Variants in PARD6B observed in about 807,000 individuals in gnomAD.
PARD6B encodes partitioning defective 6 homolog beta.
In PARD6B, 4 loss-of-function variants were observed where a neutral mutation model predicts 10.5. The ratio of observed to expected loss-of-function variants is 0.38; its 90% CI spans 0.19 to 0.87. The LOEUF is 0.87. Ranked by LOEUF, PARD6B falls within the 40% of genes least tolerant of loss-of-function variation. The pLI, the probability that PARD6B is intolerant of heterozygous loss-of-function variation, is 0.41. For synonymous variants in PARD6B, 169 were observed against 170.4 expected (o/e 0.99, Z 0.07); for missense variants, 396 against 470.6 (o/e 0.84, Z 1.47).
chr20:50,750,918 C>A lies in PARD6B; in HGVS notation c.*430C>A. 2.1e-6 allele frequency: 2 copies of A among 949,528 alleles called. No individual in the cohort carries two copies. Among genetic ancestry groups the A allele is most frequent in the Non-Finnish European group, 2.5e-6 (2 of 804,448 alleles). The allele number at this position is 949,528 out of a possible 1,614,324, so 58.8% of individuals were successfully genotyped here. The stretch of plus-strand genomic sequence containing the variant: ...TCTTGTGGTACATTGGGGACCTCAG[C>A]TCTTAAAGGTCTCATGTTCCCAATA... On this transcript the variant is annotated 3_prime_UTR_variant, in exon 3 of 3. Transcript: ENST00000371610.
chr20:50,739,513 A>T (rs2087519076), intron 2 of PARD6B, among the ~76,000 whole-genome samples: 2 of 152,096 alleles, frequency 1.3e-5, no homozygotes, highest in South Asian at 4.1e-4. Flanking sequence ...ACTATTTCTA[A>T]TCAGTTGATA....
At chr20:50,742,510 C>T (rs1013660830) in intron 2 of PARD6B, among the ~76,000 whole-genome samples, 4 of 151,578 alleles carry the variant, frequency 2.6e-5, no homozygotes, top group Non-Finnish European at 5.9e-5. Flanking sequence ...GGACTACAAG[C>T]GTGTGCTACC....
At chr20:50,748,199 T>C (rs546919216) in intron 2 of PARD6B, among the ~76,000 whole-genome samples, 1 of 152,258 alleles carries the variant, frequency 6.6e-6, no homozygotes, top group South Asian at 2.1e-4. Flanking sequence ...AAAAATTATC[T>C]GGGCATAGTG....
Position 50,752,355 on chromosome 20 carries a change from C to T in PARD6B, c.*1867C>T, listed in dbSNP as rs1283470346. The T allele has an allele frequency of 2.0e-6, 2 of 985,532 alleles. No homozygotes were observed. The highest frequency in any genetic ancestry group is 2.4e-6 in the Non-Finnish European group (2 of 829,850). The allele number at this position is 985,532 out of a possible 1,614,324, so 61.0% of individuals were successfully genotyped here. ...CCAAAAAAAAAAAAAATTGGGTTTTCCTTCATGGGATTTCTAGAAACACTG... is the reference window on the plus strand; with the variant it reads ...CCAAAAAAAAAAAAAATTGGGTTTTTCTTCATGGGATTTCTAGAAACACTG... On this transcript the variant is annotated 3_prime_UTR_variant, in exon 3 of 3. Coordinates refer to ENST00000371610, the MANE Select transcript of PARD6B (RefSeq NM_032521.3).
chr20:50,738,105 G>GC (rs774484900), intron 2 of PARD6B, 26 bp downstream of exon 2: 2 of 1,509,864 alleles, frequency 1.3e-6, no homozygotes, highest in East Asian at 4.7e-5. Context: ...TAGAAAAATT[G>GC]TGTTAGAAAT....
At position 50,753,250 on chromosome 20, in the gene PARD6B, C is replaced by G. The variant is rs1354180079; in HGVS notation, c.*2762C>G. ...TAATTATCCTGTTAAGGGTATCTAT[C>G]AATGGTATTTTCAAGTAGATCTCTG... On this transcript the variant is annotated 3_prime_UTR_variant, in exon 3 of 3. Transcript: ENST00000371610. 4.1e-6 allele frequency: 4 copies of G among 984,532 alleles called. No individual in the cohort carries two copies. The highest frequency in any genetic ancestry group is 4.8e-6 in the Non-Finnish European group (4 of 828,874). The allele number at this position is 984,532 out of a possible 1,614,324, so 61.0% of individuals were successfully genotyped here.
chr20:50,733,638 C>G (rs897353151), intron 1 of PARD6B, among the ~76,000 whole-genome samples: 9 of 152,104 alleles, frequency 5.9e-5, no homozygotes, highest in African/African-American at 2.2e-4. Flanking sequence ...TTTCCTTTAG[C>G]GGTATGGTGG....
intron 1 of PARD6B, 67 bp downstream of exon 1, chr20:50,731,919 A>G (rs2087473277): frequency 2.4e-6 from 3 of 1,275,800 alleles, no homozygotes; most frequent in South Asian, 2.2e-5. Context: ...AGGCCGGGCC[A>G]GGCTCGGAGC....
In PARD6B at chr20:50,751,056, A is replaced by G. The variant is rs2087605405; in HGVS notation, c.*568A>G. 1 of 556,972 alleles carries G rather than the reference A, an allele frequency of 1.8e-6. No individual in the cohort carries two copies. Among genetic ancestry groups the G allele is most frequent in the Non-Finnish European group, 2.2e-6 (1 of 446,800 alleles). The allele number at this position is 556,972 out of a possible 1,614,324, so 34.5% of individuals were successfully genotyped here. ...ATGATCACAGCTCTCTGCAGCCTCA[A>G]TCCCCTGGGCTCAAGCAGTCCTCCC... is the stretch of plus-strand genomic sequence containing the variant. On this transcript the variant is annotated 3_prime_UTR_variant, in exon 3 of 3. Coordinates refer to ENST00000371610, the MANE Select transcript of PARD6B (RefSeq NM_032521.3).
intron 2 of PARD6B, among the ~76,000 whole-genome samples, chr20:50,747,452 G>A (rs1206896877): frequency 2.3e-5 from 2 of 88,764 alleles, no homozygotes; most frequent in African/African-American, 4.3e-5. Flanking sequence ...ATTTTTTGTT[G>A]TTGTCTTTTC....
rs2087622753 is a variant in PARD6B at position 50,753,027 on chromosome 20, C to CAG, written c.*2540_*2541dup. On this transcript the variant is annotated 3_prime_UTR_variant, in exon 3 of 3. Transcript: ENST00000371610. ...ACTTTCATTTATAATATAAGTGGTGCAGGGGTTCAACATTTTAAGTAAAAA... is the reference window on the plus strand; with the variant it reads ...ACTTTCATTTATAATATAAGTGGTGCAGAGGGGTTCAACATTTTAAGTAAAAA... The CAG allele has an allele frequency of 2.0e-6, 2 of 981,130 alleles. No individual in the cohort carries two copies. Among genetic ancestry groups the CAG allele is most frequent in the African/African-American group, 3.5e-5 (2 of 56,784 alleles). 60.8% of individuals were successfully genotyped at this position (981,130 alleles called of 1,614,324 possible). A position where few individuals can be genotyped will look rare whatever the true frequency, so the allele number is the denominator to read the frequency against.
chr20:50,753,073 CTCTTTTTT>C lies in PARD6B; in HGVS notation c.*2587_*2594del. The C allele has an allele frequency of 1.0e-6, 1 of 966,362 alleles. No individual in the cohort carries two copies. The highest frequency in any genetic ancestry group is 1.2e-6 in the Non-Finnish European group (1 of 815,206). 59.9% of individuals were successfully genotyped at this position (966,362 alleles called of 1,614,324 possible). On this transcript the variant is annotated 3_prime_UTR_variant, in exon 3 of 3. Coordinates refer to ENST00000371610, the MANE Select transcript of PARD6B (RefSeq NM_032521.3). ...AAAAATATTTTTACACACTACCTCT[CTCTTTTTT>C]TTTTTAAAGTTTTAACATCAGAACT...
At chr20:50,747,748 G>A (rs190558402) in intron 2 of PARD6B, among the ~76,000 whole-genome samples, 10 of 151,930 alleles carry the variant, frequency 6.6e-5, no homozygotes, top group Admixed American at 1.3e-4. Context: ...TCTGGTGTTA[G>A]GTGTTCTGTT....
chr20:50,731,865 C>T lies in PARD6B; in HGVS notation c.66+13C>T, dbSNP rs1349379981. ...GGTGAAGAGCAAGGTGCGCGGGGCC[C>T]GGGCTGGGCGGAGCGGCGGGCCTGG... On this transcript the variant is annotated intron_variant, in intron 1 of 2. Coordinates refer to ENST00000371610, the MANE Select transcript of PARD6B (RefSeq NM_032521.3). 1.4e-6 allele frequency: 2 copies of T among 1,431,816 alleles called. No individual in the cohort carries two copies. Among genetic ancestry groups the T allele is most frequent in the African/African-American group, 1.5e-5 (1 of 67,340 alleles). 88.7% of individuals were successfully genotyped at this position (1,431,816 alleles called of 1,614,324 possible).
In PARD6B at chr20:50,750,248, A is replaced by C; in HGVS notation, c.879A>C (p.Glu293Asp). The change falls in exon 3 of 3, where the codon GAA becomes GAC. Residue 293 changes from glutamate to aspartate, a missense_variant. Physicochemically the swap from Glu to Asp is conservative, Grantham distance 45 (BLOSUM62 2). Coordinates refer to ENST00000371610, the MANE Select transcript of PARD6B (RefSeq NM_032521.3). ...SFEPEDEDSE[E>D]DDIIIEDNGV... Reference sequence around the variant, plus strand: ...AGCCAGAGGATGAAGACAGCGAAGAAGATGACATTATCATTGAAGACAATG... The same window carrying C: ...AGCCAGAGGATGAAGACAGCGAAGACGATGACATTATCATTGAAGACAATG... The C allele has an allele frequency of 6.2e-7, 1 of 1,614,248 alleles. No individual in the cohort carries two copies. The highest frequency in any genetic ancestry group is 1.1e-5 in the South Asian group (1 of 91,090).
At chr20:50,743,773 C>T (rs1454355108) in intron 2 of PARD6B, among the ~76,000 whole-genome samples, 2 of 151,514 alleles carry the variant, frequency 1.3e-5, no homozygotes, top group African/African-American at 4.8e-5. Flanking sequence ...CCTGTAGTCC[C>T]AGCTACTCGG....
Position 50,750,597 on chromosome 20 carries a change from G to A in PARD6B, c.*109G>A, listed in dbSNP as rs1341982976. On this transcript the variant is annotated 3_prime_UTR_variant, in exon 3 of 3. Transcript: ENST00000371610. ...CAGTGACGTGGAATAGGCATGAGAC[G>A]AGTAACGTTGCAAGCTTACAATATT... 6.9e-6 allele frequency: 10 copies of A among 1,444,802 alleles called. No individual in the cohort carries two copies. The South Asian group carries it at 1.0e-4, about 15-fold the overall frequency. The allele number at this position is 1,444,802 out of a possible 1,614,324, so 89.5% of individuals were successfully genotyped here. A position where few individuals can be genotyped will look rare whatever the true frequency, so the allele number is the denominator to read the frequency against.
intron 2 of PARD6B, among the ~76,000 whole-genome samples, chr20:50,744,275 T>G (rs1460677776): frequency 6.6e-6 from 1 of 151,720 alleles, no homozygotes; most frequent in Admixed American, 6.6e-5. Flanking sequence ...CCACCATGCC[T>G]GGCTAATTGT....
intron 2 of PARD6B, among the ~76,000 whole-genome samples, chr20:50,743,719 T>G (rs1380384451): frequency 6.6e-6 from 1 of 151,866 alleles, no homozygotes; most frequent in African/African-American, 2.4e-5. Flanking sequence ...AAACCGTGTC[T>G]CTACTAAAAA....
Sources: allele counts gnomAD v4.1 joint callset (sites outside exome capture counted in the v4.1 genomes callset), GRCh38; gene constraint gnomAD v4.1.1; transcripts MANE v1.5; gene names NCBI Gene and HGNC (gene_info 2026-07-23, HGNC 2026-07-21).